Variants in ARHGEF4 observed in about 807,000 individuals in gnomAD.
ARHGEF4 encodes APC-stimulated guanine nucleotide exchange factor 1.
In ARHGEF4, 119 loss-of-function variants were observed where a neutral mutation model predicts 162.0. That is an observed-to-expected ratio of 0.73 (90% CI 0.63 to 0.86). ARHGEF4 has a LOEUF of 0.86. Among genes scored for constraint, ARHGEF4 ranks in the 40% least tolerant of loss-of-function variants. The probability of loss-of-function intolerance (pLI) is 0.00; values close to 1 mark genes in which losing one functional copy is unlikely to be tolerated. For missense variants in ARHGEF4, 2,488 were observed against 2,456.0 expected (o/e 1.01, Z -0.28); for synonymous variants, 1,014 against 979.9 (o/e 1.03, Z -0.65).
chr2:130,988,901 T>TATATATAGAGAGAGAG (rs1469212068), intron 4 of ARHGEF4, among the ~76,000 whole-genome samples: 4 of 113,380 alleles, frequency 3.5e-5, no homozygotes, highest in East Asian at 5.7e-4. Flanking sequence ...TATATATATA[T>TATATATAGAGAGAGAG]AGAGAGAGAG....
rs1292693593 is a variant in ARHGEF4 at position 130,898,961 on chromosome 2, T to A, written c.40-15025T>A. On this transcript the variant is annotated intron_variant, in intron 1 of 13. Transcript: ENST00000409359. Reference sequence around the variant, plus strand: ...CCAAACACACGCATGCAGCTCATATTCCCAGCTTCTTGCCCGAGCGTGGAA... The same window carrying A: ...CCAAACACACGCATGCAGCTCATATACCCAGCTTCTTGCCCGAGCGTGGAA... Among the ~76,000 whole-genome samples, 4 of 152,022 alleles carry A rather than the reference T, an allele frequency of 2.6e-5. No homozygotes were observed. The East Asian group carries it at 7.7e-4, about 29-fold the overall frequency.
intron 4 of ARHGEF4, among the ~76,000 whole-genome samples, chr2:130,999,362 T>TG: frequency 6.6e-6 from 1 of 152,030 alleles, no homozygotes; most frequent in Non-Finnish European, 1.5e-5. Context: ...TTTACCATGT[T>TG]AGCCAGGATG....
chr2:130,983,295 G>GTTAA (rs1686248263), intron 4 of ARHGEF4, among the ~76,000 whole-genome samples: 1 of 152,156 alleles, frequency 6.6e-6, no homozygotes, highest in South Asian at 2.1e-4. Context: ...GAACCTTAAA[G>GTTAA]TTAACTACAT....
intron 1 of ARHGEF4, among the ~76,000 whole-genome samples, chr2:130,866,055 GGAAAACTTTAGGGTC>G (rs1682251266): frequency 6.6e-6 from 1 of 151,916 alleles, no homozygotes; most frequent in South Asian, 2.1e-4. Flanking sequence ...GACCTGAAGA[GGAAAACTTTAGGGTC>G]GAATAAAAAC....
chr2:130,884,292 A>G (rs35287900), intron 1 of ARHGEF4, among the ~76,000 whole-genome samples: 17,317 of 151,994 alleles, frequency 0.11, 1,135 homozygotes, highest in South Asian at 0.18. Flanking sequence ...ACAGACACAC[A>G]TAGGCACGTG....
chr2:131,040,357 A>G lies in ARHGEF4; in HGVS notation c.4579A>G (p.Lys1527Glu), dbSNP rs375487974. Residue 1527 changes from lysine (K) to glutamate (E), a missense_variant, in exon 8 of 14, where the codon AAG becomes GAG. Around this residue, in one of 6 missense-constraint regions of ARHGEF4, gnomAD observed 415 missense variants for 512.4 expected, o/e 0.81. Transcript: ENST00000409359. The part of the protein sequence containing the change: ...GNIEDIYRCQ[K>E]AFVKALEQRF... ...CATCGAGGACATCTACCGCTGCCAG[A>G]AGGCCTTCGTGAAGGCCCTGGAGCA... 3.7e-6 allele frequency: 6 copies of G among 1,611,790 alleles called. No individual in the cohort carries two copies. Among genetic ancestry groups the G allele is most frequent in the Non-Finnish European group, 5.1e-6 (6 of 1,179,430 alleles).
chr2:130,871,852 GGA>G (rs1421518850), intron 1 of ARHGEF4, among the ~76,000 whole-genome samples: 1 of 152,156 alleles, frequency 6.6e-6, no homozygotes, highest in Non-Finnish European at 1.5e-5. Context: ...AAGGAAAAAT[GGA>G]GAGACCTTAT....
chr2:130,842,418 G>A (rs115126946), intron 1 of ARHGEF4, among the ~76,000 whole-genome samples: 2,873 of 152,340 alleles, frequency 0.019, 71 homozygotes, highest in African/African-American at 0.065. Flanking sequence ...TGTGGCTGCA[G>A]AAGAGAAGAG....
At chr2:130,854,241 T>G (rs2104893172) in intron 1 of ARHGEF4, among the ~76,000 whole-genome samples, 1 of 152,336 alleles carries the variant, frequency 6.6e-6, no homozygotes, top group South Asian at 2.1e-4. Flanking sequence ...CCTTGGTGCT[T>G]GGGGATCAGC....
At chr2:130,920,158 G>C (rs754869310) in intron 2 of ARHGEF4, among the ~76,000 whole-genome samples, 1 of 152,112 alleles carries the variant, frequency 6.6e-6, no homozygotes, top group Non-Finnish European at 1.5e-5. Context: ...TCCCAGACTG[G>C]AATGTGGTGG....
intron 1 of ARHGEF4, 125 bp downstream of exon 1, chr2:130,837,117 C>A: frequency 3.4e-6 from 3 of 878,626 alleles, no homozygotes; most frequent in Non-Finnish European, 4.5e-6. Flanking sequence ...GTGGGGACAC[C>A]CTCGTGGCTC....
chr2:130,838,991 C>G (rs1421558585), intron 1 of ARHGEF4, among the ~76,000 whole-genome samples: 2 of 152,168 alleles, frequency 1.3e-5, no homozygotes, highest in African/African-American at 4.8e-5. Flanking sequence ...TCAGAGAGGC[C>G]TTTCCATACT....
intron 4 of ARHGEF4, among the ~76,000 whole-genome samples, chr2:130,978,616 C>G (rs1295266320): frequency 1.3e-5 from 2 of 152,310 alleles, no homozygotes; most frequent in African/African-American, 4.8e-5. Flanking sequence ...AAGAATTACA[C>G]ATTGCCATGA....
intron 1 of ARHGEF4, among the ~76,000 whole-genome samples, chr2:130,854,412 C>T (rs2104893650): frequency 6.6e-6 from 1 of 152,316 alleles, no homozygotes; most frequent in African/African-American, 2.4e-5. Context: ...AGCTCTACCC[C>T]AGCAGGTATG....
chr2:130,920,077 GT>G (rs887717927), intron 2 of ARHGEF4, among the ~76,000 whole-genome samples: 4 of 151,954 alleles, frequency 2.6e-5, no homozygotes, highest in Non-Finnish European at 4.4e-5. Context: ...GTTTGTTGGG[GT>G]TTTTTTTTGT....
chr2:131,037,135 TCTGCAGCCCCCGCGTGG>T (rs1480653328), intron 5 of ARHGEF4, among the ~76,000 whole-genome samples: 3 of 152,074 alleles, frequency 2.0e-5, no homozygotes, highest in Non-Finnish European at 1.5e-5. Context: ...CCTCTGGAGG[TCTGCAGCCCCCGCGTGG>T]CTGCCGCGCT....
At chr2:130,875,415 T>G (rs1176671539) in intron 1 of ARHGEF4, among the ~76,000 whole-genome samples, 1 of 152,216 alleles carries the variant, frequency 6.6e-6, no homozygotes, top group Admixed American at 6.5e-5. Context: ...TTGATGGTTC[T>G]GGAGGCTGGG....
In ARHGEF4 at chr2:131,041,827, T is replaced by G. The variant is rs749153891; in HGVS notation, c.4908T>G (p.Asp1636Glu). 1.2e-6 allele frequency: 2 copies of G among 1,613,348 alleles called. No individual in the cohort carries two copies. The highest frequency in any genetic ancestry group is 1.7e-6 in the Non-Finnish European group (2 of 1,179,980). ...TGTTCTGCCCCAGGGACTTCAAGGA[T>G]GTTGAAGCCGCCTTGCATGCCATGA... ...YTHPQHRDFK[D>E]VEAALHAMKN... Residue 1636 changes from aspartate (D) to glutamate (E), a missense_variant, in exon 10 of 14, where the codon GAT (aspartate) becomes GAG (glutamate). Asp to Glu is a conservative substitution (Grantham distance 45, BLOSUM62 2). Around this residue, in one of 6 missense-constraint regions of ARHGEF4, gnomAD observed 415 missense variants for 512.4 expected, o/e 0.81. Transcript: ENST00000409359.
chr2:130,956,824 G>T (rs1265317607), intron 4 of ARHGEF4, among the ~76,000 whole-genome samples: 7 of 128,838 alleles, frequency 5.4e-5, no homozygotes, highest in Non-Finnish European at 1.1e-4. Flanking sequence ...GTCGTGGGGT[G>T]GGGGGAGGGG....
Sources: allele counts gnomAD v4.1 joint callset (sites outside exome capture counted in the v4.1 genomes callset), GRCh38; gene constraint gnomAD v4.1.1; regional missense constraint gnomAD v4.1.1; transcripts MANE v1.5; gene names NCBI Gene and HGNC (gene_info 2026-07-23, HGNC 2026-07-21).